Variants in TMEM170B observed in about 807,000 individuals in gnomAD.
TMEM170B encodes transmembrane protein 170B.
A neutral mutation model predicts 13.0 loss-of-function variants in TMEM170B; 6 were observed. The observed-to-expected ratio is 0.46, with a 90% CI of 0.25 to 0.91. The LOEUF (loss-of-function observed/expected upper bound fraction) is 0.91. Ranked by LOEUF, TMEM170B falls within the 40% of genes least tolerant of loss-of-function variation. The pLI, the probability that TMEM170B is intolerant of heterozygous loss-of-function variation, is 0.17. For missense variants in TMEM170B, 138 were observed against 165.2 expected, an observed-to-expected ratio of 0.84 and a Z score of 0.90; for synonymous variants, 61 against 64.9, an observed-to-expected ratio of 0.94 and a Z score of 0.29.
chr6:11,574,639 A>G (rs182212896), intron 2 of TMEM170B, among the ~76,000 whole-genome samples: 199 of 152,190 alleles, frequency 1.3e-3, no homozygotes, highest in African/African-American at 4.5e-3. Context: ...TTCCTCCTTT[A>G]TGGTTCCTAA....
intron 1 of TMEM170B, 23 bp downstream of exon 1, chr6:11,538,397 G>A: frequency 2.0e-6 from 3 of 1,479,280 alleles, no homozygotes; most frequent in South Asian, 1.3e-5. Flanking sequence ...CCTGGGCTGG[G>A]GACGGGGATG....
At chr6:11,556,633 A>G (rs181698083) in intron 1 of TMEM170B, among the ~76,000 whole-genome samples, 1 of 151,970 alleles carries the variant, frequency 6.6e-6, no homozygotes, top group African/African-American at 2.4e-5. Flanking sequence ...CTCTTCTTAC[A>G]TTTGTGATTG....
chr6:11,575,286 A>C lies in TMEM170B; in HGVS notation c.269-145A>C. 1 of 1,150,718 alleles carries C rather than the reference A, an allele frequency of 8.7e-7. No homozygotes were observed. The highest frequency in any genetic ancestry group is 1.6e-5 in the South Asian group (1 of 63,168). The allele number at this position is 1,150,718 out of a possible 1,614,324, so 71.3% of individuals were successfully genotyped here. A position where few individuals can be genotyped will look rare whatever the true frequency, so the allele number is the denominator to read the frequency against. On this transcript the variant is annotated intron_variant, in intron 2 of 2. Coordinates refer to ENST00000379426, the MANE Select transcript of TMEM170B (RefSeq NM_001100829.3). This position sits in a 1 kb window ranked among gnomAD's most constrained non-coding sequence, Gnocchi z 4.1. The stretch of plus-strand genomic sequence containing the variant: ...GTTGTAACTTTCACCAATCACAGGG[A>C]AACTTTTTCATAGAAAGTGGATAAA...
rs1322877183 is a variant in TMEM170B at position 11,581,760 on chromosome 6, A to T, written c.*6199A>T. 6.6e-6 allele frequency: 1 copy of T among 152,208 alleles called. No individual in the cohort carries two copies. Among genetic ancestry groups the T allele is most frequent in the Non-Finnish European group, 1.5e-5 (1 of 68,036 alleles). 9.4% of individuals were successfully genotyped at this position (152,208 alleles called of 1,614,324 possible). A position where few individuals can be genotyped will look rare whatever the true frequency, so the allele number is the denominator to read the frequency against. On this transcript the variant is annotated 3_prime_UTR_variant, in exon 3 of 3. Coordinates refer to ENST00000379426, the MANE Select transcript of TMEM170B (RefSeq NM_001100829.3). ...TAACTCGAGAGTACTACTGATGATG[A>T]CGCTTCTCTTGTTTTTAAAGTATTT...
intron 1 of TMEM170B, among the ~76,000 whole-genome samples, chr6:11,549,739 A>C (rs1000417245): frequency 5.3e-5 from 8 of 152,168 alleles, no homozygotes; most frequent in African/African-American, 1.9e-4. Context: ...TAGATTAAGC[A>C]TTGAAAGAAA....
rs1167984258 is a variant in TMEM170B, at chr6:11,574,729, A to G, written c.269-702A>G. ...AGATCAGATGTTGAATCAGATGAGC[A>G]CTGAGGTTCCTCATACACTGAGATT... On this transcript the variant is annotated intron_variant, in intron 2 of 2. Transcript: ENST00000379426. 2.6e-5 allele frequency among the ~76,000 whole-genome samples: 4 copies of G among 152,172 alleles called. No individual in the cohort carries two copies. In the East Asian group the frequency reaches 7.7e-4, roughly 29 times the overall value.
intron 1 of TMEM170B, among the ~76,000 whole-genome samples, chr6:11,551,471 G>A (rs983653092): frequency 5.3e-5 from 8 of 152,132 alleles, no homozygotes; most frequent in African/African-American, 1.9e-4. Context: ...GAAGACTAGG[G>A]GCATCATAGC....
At position 11,565,658 on chromosome 6, in the gene TMEM170B, C is replaced by T. The variant is rs1394442650; in HGVS notation, c.98-8C>T. The stretch of plus-strand genomic sequence containing the variant: ...AACAGATGATTAATACTTTGCTTTT[C>T]CTTTCAGAGATGTGGTACTGGATCT... On this transcript the variant is annotated splice_region_variant and splice_polypyrimidine_tract_variant and intron_variant, in intron 1 of 2. Transcript: ENST00000379426. 6.2e-7 allele frequency: 1 copy of T among 1,613,696 alleles called. No homozygotes were observed. Among genetic ancestry groups the T allele is most frequent in the Non-Finnish European group, 8.5e-7 (1 of 1,179,748 alleles).
intron 2 of TMEM170B, among the ~76,000 whole-genome samples, chr6:11,572,436 A>G (rs185374186): frequency 3.3e-4 from 51 of 152,270 alleles, no homozygotes; most frequent in African/African-American, 8.4e-4. Flanking sequence ...AGTTTATTTA[A>G]CTTTTTCATT....
chr6:11,565,634 A>G (rs1759723264), intron 1 of TMEM170B, 32 bp from the exon 2 acceptor site: 4 of 1,610,198 alleles, frequency 2.5e-6, no homozygotes, highest in Non-Finnish European at 3.4e-6. Context: ...TTGTGTTTCA[A>G]CAGATGATTA....
At chr6:11,541,304 T>C (rs113555370) in intron 1 of TMEM170B, among the ~76,000 whole-genome samples, 3 of 152,344 alleles carry the variant, frequency 2.0e-5, no homozygotes, top group African/African-American at 7.2e-5. Flanking sequence ...TTGTTTGGGG[T>C]AGCCACCTTC....
chr6:11,563,045 A>G (rs1759690381), intron 1 of TMEM170B, among the ~76,000 whole-genome samples: 1 of 152,182 alleles, frequency 6.6e-6, no homozygotes, highest in South Asian at 2.1e-4. Flanking sequence ...GATGAAGCAT[A>G]CTCGCTGTTG....
At chr6:11,569,583 T>C (rs1207345480) in intron 2 of TMEM170B, among the ~76,000 whole-genome samples, 2 of 152,188 alleles carry the variant, frequency 1.3e-5, no homozygotes, top group African/African-American at 4.8e-5. Context: ...TAGACATATG[T>C]AAATGAATGC....
chr6:11,541,208 T>C (rs1212825220), intron 1 of TMEM170B, among the ~76,000 whole-genome samples: 1 of 152,204 alleles, frequency 6.6e-6, no homozygotes, highest in African/African-American at 2.4e-5. Flanking sequence ...AGCTTGGAAG[T>C]CAGGGATTGA....
intron 1 of TMEM170B, among the ~76,000 whole-genome samples, chr6:11,556,379 A>G (rs1483692811): frequency 6.6e-6 from 1 of 152,012 alleles, no homozygotes; most frequent in Admixed American, 6.6e-5. Flanking sequence ...TCTGTACTGC[A>G]GGGTTATTCT....
At position 11,554,235 on chromosome 6, in the gene TMEM170B, T is replaced by C. The variant is rs574419546; in HGVS notation, c.98-11431T>C. Among the ~76,000 whole-genome samples the C allele has an allele frequency of 3.3e-5, 5 of 152,218 alleles. No homozygotes were observed. The East Asian group carries it at 9.6e-4, about 29-fold the overall frequency. Reference sequence around the variant, plus strand: ...AGATTGTAAAACATTTTATCCTTCATGGAGAAGGTTTTTTTAGGTTGGTGA... The same window carrying C: ...AGATTGTAAAACATTTTATCCTTCACGGAGAAGGTTTTTTTAGGTTGGTGA... On this transcript the variant is annotated intron_variant, in intron 1 of 2. Coordinates refer to ENST00000379426, the MANE Select transcript of TMEM170B (RefSeq NM_001100829.3).
rs193199786 is a variant in TMEM170B at position 11,559,378 on chromosome 6, T to C, written c.98-6288T>C. 1.1e-3 allele frequency among the ~76,000 whole-genome samples: 171 copies of C among 152,108 alleles called. 3 individuals carry two copies. The East Asian group carries it at 0.026, about 23-fold the overall frequency. The stretch of plus-strand genomic sequence containing the variant: ...ATGCCTGGCTAATTTTTTAATTTTT[T>C]GTAGAGACAGGGCCTCATGCTGGTC... On this transcript the variant is annotated intron_variant, in intron 1 of 2. Transcript: ENST00000379426.
Position 11,563,004 on chromosome 6 carries a change from C to T in TMEM170B, c.98-2662C>T, listed in dbSNP as rs1429562908. On this transcript the variant is annotated intron_variant, in intron 1 of 2. Coordinates refer to ENST00000379426, the MANE Select transcript of TMEM170B (RefSeq NM_001100829.3). ...TTATATCATGCTTTTAAATTTTTTA[C>T]TTTTTAAAAAAAATTGGTAAAAACA... Among the ~76,000 whole-genome samples, 3 of 152,038 alleles carry T rather than the reference C, an allele frequency of 2.0e-5. No homozygotes were observed. In the East Asian group the frequency reaches 5.8e-4, roughly 29 times the overall value.
rs547322963 is a variant in TMEM170B at position 11,541,077 on chromosome 6, G to C, written c.97+2703G>C. On this transcript the variant is annotated intron_variant, in intron 1 of 2. Coordinates refer to ENST00000379426, the MANE Select transcript of TMEM170B (RefSeq NM_001100829.3). ...TCCAGGCTTTTTTGTTTCATTTATAGAGCACAGCCAGGGTAGATTTAGCAT... is the reference window on the plus strand; with the variant it reads ...TCCAGGCTTTTTTGTTTCATTTATACAGCACAGCCAGGGTAGATTTAGCAT... Among the ~76,000 whole-genome samples, 5 of 152,134 alleles carry C rather than the reference G, an allele frequency of 3.3e-5. No homozygotes were observed. In the South Asian group the frequency reaches 1.0e-3, roughly 32 times the overall value.
Sources: allele counts gnomAD v4.1 joint callset (sites outside exome capture counted in the v4.1 genomes callset), GRCh38; gene constraint gnomAD v4.1.1; non-coding constraint Gnocchi (gnomAD v3.1); transcripts MANE v1.5; gene names NCBI Gene and HGNC (gene_info 2026-07-23, HGNC 2026-07-21).